TMEM132D: variants seen among roughly 807,000 people sequenced by gnomAD.
The protein encoded by TMEM132D is mature OL transmembrane protein.
In TMEM132D, 21 loss-of-function variants were observed where a neutral mutation model predicts 62.3. That is an observed-to-expected ratio of 0.34 (90% CI 0.24 to 0.49). The LOEUF (loss-of-function observed/expected upper bound fraction) is 0.49, where lower values mean the gene tolerates loss of function less well. Among genes scored for constraint, TMEM132D ranks in the 20% least tolerant of loss-of-function variants. The pLI is 0.99. For synonymous variants in TMEM132D, 621 were observed against 575.6 expected (o/e 1.08, Z -1.13); for missense variants, 1,346 against 1,402.8 (o/e 0.96, Z 0.65).
intron 3 of TMEM132D, among the ~76,000 whole-genome samples, chr12:129,373,828 G>A (rs1043572840): frequency 2.6e-5 from 4 of 152,058 alleles, no homozygotes; most frequent in African/African-American, 4.8e-5. Context: ...AAAGCCAAAC[G>A]GCCTAAGAAT....
chr12:129,730,504 T>C (rs1869195729), intron 1 of TMEM132D, among the ~76,000 whole-genome samples: 1 of 152,196 alleles, frequency 6.6e-6, no homozygotes, highest in South Asian at 2.1e-4. Context: ...AATCACAACT[T>C]GGCTTCCTGC....
intron 5 of TMEM132D, among the ~76,000 whole-genome samples, chr12:129,116,787 T>C (rs939191079): frequency 6.6e-6 from 1 of 152,122 alleles, no homozygotes; most frequent in African/African-American, 2.4e-5. Flanking sequence ...TATTCACTGC[T>C]GGTAGGAATG....
chr12:129,511,919 T>C (rs756654743), intron 3 of TMEM132D, among the ~76,000 whole-genome samples: 3 of 152,214 alleles, frequency 2.0e-5, no homozygotes, highest in Non-Finnish European at 2.9e-5. Flanking sequence ...AAGTTGCCCA[T>C]TTAATGTCAC....
At chr12:129,791,782 T>A (rs1332757453) in intron 1 of TMEM132D, among the ~76,000 whole-genome samples, 1 of 152,142 alleles carries the variant, frequency 6.6e-6, no homozygotes, top group African/African-American at 2.4e-5. Context: ...AGCTACTGAT[T>A]CTTTGAATGT....
intron 2 of TMEM132D, among the ~76,000 whole-genome samples, chr12:129,578,424 GTATATA>G (rs1555219553): frequency 1.3e-5 from 2 of 150,588 alleles, no homozygotes; most frequent in South Asian, 2.1e-4. Context: ...GTGTGTGTGT[GTATATA>G]TATATATGTA....
chr12:129,703,258 C>A (rs1030060869), intron 1 of TMEM132D, among the ~76,000 whole-genome samples: 3 of 152,206 alleles, frequency 2.0e-5, no homozygotes, highest in Admixed American at 6.5e-5. Flanking sequence ...GCTAATTACA[C>A]CTTCCAAGGG....
chr12:129,785,811 G>A (rs931996795), intron 1 of TMEM132D, among the ~76,000 whole-genome samples: 1 of 152,192 alleles, frequency 6.6e-6, no homozygotes, highest in Non-Finnish European at 1.5e-5. Flanking sequence ...TGGAATGTGT[G>A]TTAGCAAAAG....
At chr12:129,418,183 C>T (rs1872186165) in intron 3 of TMEM132D, among the ~76,000 whole-genome samples, 1 of 152,288 alleles carries the variant, frequency 6.6e-6, no homozygotes, top group African/African-American at 2.4e-5. Context: ...ACCAGAGATA[C>T]CATTTGACTT....
chr12:129,386,443 T>C (rs1871107028), intron 3 of TMEM132D, among the ~76,000 whole-genome samples: 2 of 149,630 alleles, frequency 1.3e-5, no homozygotes, highest in Non-Finnish European at 3.0e-5. Context: ...CCAACACCAA[T>C]ACTAACACTA....
At chr12:129,818,708 GCA>G (rs146466919) in intron 1 of TMEM132D, among the ~76,000 whole-genome samples, 4,186 of 151,978 alleles carry the variant, frequency 0.028, 69 homozygotes, top group Middle Eastern at 0.045. Context: ...GTATGCACCT[GCA>G]CACACAGACT....
chr12:129,721,656 T>C (rs1868835551), intron 1 of TMEM132D, among the ~76,000 whole-genome samples: 1 of 152,102 alleles, frequency 6.6e-6, no homozygotes, highest in African/African-American at 2.4e-5. Context: ...TGCTGGGGGC[T>C]TCAATGACAG....
At chr12:129,633,981 C>T (rs144167215) in intron 2 of TMEM132D, among the ~76,000 whole-genome samples, 168 of 152,306 alleles carry the variant, frequency 1.1e-3, no homozygotes, top group African/African-American at 3.8e-3. Context: ...TCTCCCCCAA[C>T]ATATATCTCC....
Position 129,542,293 on chromosome 12 carries a change from A to C in TMEM132D, c.969-11088T>G, listed in dbSNP as rs566677248. ...AACCACAACCCCCTAATTTCATTAC[A>C]TTACATAATTGAACTGTATTGCTAT... On this transcript the variant is annotated intron_variant, in intron 2 of 8. Transcript: ENST00000422113. Among the ~76,000 whole-genome samples, 14 of 152,294 alleles carry C rather than the reference A, an allele frequency of 9.2e-5. No individual in the cohort carries two copies. In the South Asian group the frequency reaches 2.9e-3, roughly 32 times the overall value.
At chr12:129,316,244 A>G (rs1250819787) in intron 4 of TMEM132D, among the ~76,000 whole-genome samples, 1 of 151,916 alleles carries the variant, frequency 6.6e-6, no homozygotes, top group East Asian at 1.9e-4. Context: ...TTAAAATGTC[A>G]GTTTGTGCTC....
chr12:129,618,924 G>A (rs1001749959), intron 2 of TMEM132D, among the ~76,000 whole-genome samples: 5 of 152,152 alleles, frequency 3.3e-5, no homozygotes, highest in African/African-American at 9.7e-5. Context: ...AACTCGAAGC[G>A]GGGGCTGCCT....
chr12:129,197,932 C>T (rs1222483556), intron 5 of TMEM132D, among the ~76,000 whole-genome samples: 2 of 152,254 alleles, frequency 1.3e-5, no homozygotes, highest in Admixed American at 1.3e-4. Flanking sequence ...ATTCAAACAA[C>T]TCAATAGTAA....
chr12:129,864,027 G>C (rs1245761938), intron 1 of TMEM132D, among the ~76,000 whole-genome samples: 1 of 152,166 alleles, frequency 6.6e-6, no homozygotes, highest in African/African-American at 2.4e-5. Flanking sequence ...GGACCTGCTA[G>C]TTCACTTCTA....
chr12:129,648,638 T>C (rs1263897573), intron 2 of TMEM132D, among the ~76,000 whole-genome samples: 1 of 152,198 alleles, frequency 6.6e-6, no homozygotes, highest in African/African-American at 2.4e-5. Context: ...TGATGAATAA[T>C]TGTTTCACTC....
intron 5 of TMEM132D, among the ~76,000 whole-genome samples, chr12:129,164,886 A>T (rs947885096): frequency 6.6e-6 from 1 of 152,210 alleles, no homozygotes; most frequent in Non-Finnish European, 1.5e-5. Flanking sequence ...TTCTACTCAT[A>T]GGTATTTACT....
Sources: gnomAD v4.1 joint callset for allele counts (sites outside exome capture counted in the v4.1 genomes callset) on GRCh38, gnomAD v4.1.1 for gene constraint, MANE v1.5 for transcripts, NCBI Gene and HGNC (gene_info 2026-07-23, HGNC 2026-07-21) for gene names.